CPAMD8: variants seen among roughly 807,000 people sequenced by gnomAD.
CPAMD8 encodes C3 and PZP like alpha-2-macroglobulin domain containing 8.
CPAMD8 carries 146 observed loss-of-function variants against 224.7 expected under a neutral mutation model. That is an observed-to-expected ratio of 0.65 (90% CI 0.57 to 0.75). The LOEUF is 0.75. CPAMD8 is among the 30% of genes least tolerant of loss of function. The pLI is 0.00. For synonymous variants in CPAMD8, 966 were observed against 1,044.6 expected (o/e 0.92, Z 1.45); for missense variants, 2,301 against 2,537.5 (o/e 0.91, Z 2.00).
At chr19:16,936,768 A>G (rs183738076) in intron 23 of CPAMD8, among the ~76,000 whole-genome samples, 18 of 152,302 alleles carry the variant, frequency 1.2e-4, no homozygotes, top group Admixed American at 8.5e-4. Context: ...TTCATTATAT[A>G]TTCTAAAAAC....
intron 35 of CPAMD8, among the ~76,000 whole-genome samples, chr19:16,901,630 G>T (rs1450567305): frequency 6.6e-6 from 1 of 152,200 alleles, no homozygotes; most frequent in East Asian, 1.9e-4. Context: ...TGGTTGCACA[G>T]AGCAGCCACA....
rs116490100 is a variant in CPAMD8 at position 16,994,170 on chromosome 19, A to G, written c.1096-584T>C. Among the ~76,000 whole-genome samples, 1,138 of 152,308 alleles carry G rather than the reference A, an allele frequency of 7.5e-3. 6 individuals are homozygous for G. The highest frequency in any genetic ancestry group is 0.024 in the Middle Eastern group (7 of 294). ...ACACCATATACAAAAATAAACTCAA[A>G]TGGATCACAGACCTAAATGTAACAG... On this transcript the variant is annotated intron_variant, in intron 11 of 41. Transcript: ENST00000443236.
At chr19:16,990,018 G>A (rs1017634462) in intron 12 of CPAMD8, among the ~76,000 whole-genome samples, 2 of 152,312 alleles carry the variant, frequency 1.3e-5, no homozygotes, top group South Asian at 2.1e-4. Context: ...TCGGGAGGCC[G>A]AGGCAGGTGG....
intron 9 of CPAMD8, among the ~76,000 whole-genome samples, chr19:17,000,938 T>C (rs2056292951): frequency 6.6e-6 from 1 of 152,174 alleles, no homozygotes; most frequent in South Asian, 2.1e-4. Flanking sequence ...GGACTCAAAC[T>C]ACCCTCTCAG....
At chr19:16,903,170 G>C (rs1372034332) in intron 34 of CPAMD8, among the ~76,000 whole-genome samples, 5 of 152,012 alleles carry the variant, frequency 3.3e-5, no homozygotes. Flanking sequence ...TCAGAAAACG[G>C]AGGCTAGCGA....
At position 16,950,793 on chromosome 19, in the gene CPAMD8, GAAAAAAAAAA is replaced by G. The variant is rs757775739; in HGVS notation, c.2508+1166_2508+1175del. On this transcript the variant is annotated intron_variant, in intron 20 of 41. Coordinates refer to ENST00000443236, the MANE Select transcript of CPAMD8 (RefSeq NM_015692.5). ...GGGTGATAGAGTAAGACCCTGTCTC[GAAAAAAAAAA>G]AAAAAAAAAAAAGAGAAAGAGAGAG... is the stretch of plus-strand genomic sequence containing the variant. 8.7e-5 allele frequency among the ~76,000 whole-genome samples: 4 copies of G among 45,884 alleles called. No homozygotes were observed. The East Asian group carries it at 2.3e-3, about 27-fold the overall frequency. The allele number at this position is 45,884 out of a possible 152,430, so 30.1% of individuals were successfully genotyped here.
chr19:17,005,711 C>T lies in CPAMD8; in HGVS notation c.560-1325G>A, dbSNP rs138339929. Among the ~76,000 whole-genome samples the T allele has an allele frequency of 2.3e-3, 352 of 152,288 alleles. 4 individuals carry two copies. The East Asian group carries it at 0.028, about 12-fold the overall frequency. ...AGAGTGGTTCCCCTGGGTCTCACGA[C>T]AGAACCGAAAACCCATAGCGGCGCC... On this transcript the variant is annotated intron_variant, in intron 7 of 41. Coordinates refer to ENST00000443236, the MANE Select transcript of CPAMD8 (RefSeq NM_015692.5).
intron 20 of CPAMD8, among the ~76,000 whole-genome samples, chr19:16,950,669 T>A (rs540253327): frequency 1.3e-5 from 2 of 151,926 alleles, no homozygotes; most frequent in South Asian, 2.1e-4. Flanking sequence ...GGTGCACACC[T>A]GTAGTCCCAT....
rs1334262266 is a variant in CPAMD8 at position 16,897,700 on chromosome 19, G to A, written c.5056C>T (p.Arg1686Trp). ...GGCTCCGCGCACTCACCCGGGCCCC[G>A]GGCAGGGGCGCGCTCCACTTCGTTG... is the stretch of plus-strand genomic sequence containing the variant. Reference protein sequence around the residue: ...ACNEVERAPARGPGWFPGESG... With the variant: ...ACNEVERAPAWGPGWFPGESG... The change falls in exon 39 of 42, where the codon CGG becomes TGG. Residue 1686 changes from arginine to tryptophan, a missense_variant. Arg to Trp is a moderately radical substitution (Grantham distance 101, BLOSUM62 -3). Coordinates refer to ENST00000443236, the MANE Select transcript of CPAMD8 (RefSeq NM_015692.5). The A allele has an allele frequency of 1.6e-5, 25 of 1,535,088 alleles. No individual in the cohort carries two copies. The highest frequency in any genetic ancestry group is 2.1e-5 in the Non-Finnish European group (24 of 1,138,090).
chr19:16,980,594 T>G lies in CPAMD8; in HGVS notation c.1488A>C (p.Leu496=). 2.5e-6 allele frequency: 4 copies of G among 1,613,382 alleles called. No individual in the cohort carries two copies. The highest frequency in any genetic ancestry group is 3.4e-6 in the Non-Finnish European group (4 of 1,179,704). The change falls in exon 14 of 42, where the codon CTA becomes CTC. Residue 496 remains leucine, a synonymous_variant. Transcript: ENST00000443236. ...TGGTGTGGGCAGGCTGCTGGCCCGA[T>G]AGCACAATATTGCCCCGTGCAGCCA... is the stretch of plus-strand genomic sequence containing the variant. ...YEVAARGNIV[L]SGQQPAHTTQ... is the part of the protein sequence containing the mutation.
chr19:16,977,298 C>T, intron 15 of CPAMD8, 70 bp downstream of exon 15: 1 of 1,006,278 alleles, frequency 9.9e-7, no homozygotes, highest in Non-Finnish European at 1.6e-6. Context: ...GCACAGACCC[C>T]CTGGCCAGCA....
chr19:17,004,255 T>A lies in CPAMD8; in HGVS notation c.673+18A>T. On this transcript the variant is annotated intron_variant, in intron 8 of 41. Transcript: ENST00000443236. ...TCCCAGATCTGAAATCCCAAGACCCTGAGATTCTCCAACTTACCATACTTC... is the reference window on the plus strand; with the variant it reads ...TCCCAGATCTGAAATCCCAAGACCCAGAGATTCTCCAACTTACCATACTTC... 1 of 1,519,088 alleles carries A rather than the reference T, an allele frequency of 6.6e-7. No homozygotes were observed. The highest frequency in any genetic ancestry group is 9.1e-7 in the Non-Finnish European group (1 of 1,094,586). The allele number at this position is 1,519,088 out of a possible 1,614,324, so 94.1% of individuals were successfully genotyped here. A position where few individuals can be genotyped will look rare whatever the true frequency, so the allele number is the denominator to read the frequency against.
chr19:16,961,446 G>A (rs1207421619), intron 18 of CPAMD8, among the ~76,000 whole-genome samples: 2 of 152,376 alleles, frequency 1.3e-5, no homozygotes, highest in African/African-American at 4.8e-5. Context: ...CTGCGACGTG[G>A]CAGCCTGGTT....
intron 9 of CPAMD8, among the ~76,000 whole-genome samples, chr19:17,000,908 G>GT (rs2056291946): frequency 6.6e-6 from 1 of 152,196 alleles, no homozygotes; most frequent in Non-Finnish European, 1.5e-5. Context: ...CTCTGAGCCT[G>GT]TTTCCTCACC....
At chr19:17,020,277 T>C (rs2056921210) in intron 3 of CPAMD8, 54 bp downstream of exon 3, 4 of 1,418,016 alleles carry the variant, frequency 2.8e-6, no homozygotes, top group Non-Finnish European at 3.0e-6. Context: ...CCTGGCCCAA[T>C]TCAATTCTTT....
intron 6 of CPAMD8, 147 bp downstream of exon 6, chr19:17,009,156 C>A: frequency 1.5e-6 from 2 of 1,345,366 alleles, no homozygotes; most frequent in Non-Finnish European, 2.1e-6. Flanking sequence ...GACCCAGGGA[C>A]CAGGATAGAA....
chr19:16,914,602 TG>T, intron 28 of CPAMD8, 54 bp downstream of exon 28: 1 of 1,613,020 alleles, frequency 6.2e-7, no homozygotes, highest in South Asian at 1.1e-5. Flanking sequence ...AGGTCAGGGC[TG>T]GGGCTCTGGG....
rs144390403 is a variant in CPAMD8 at position 16,997,713 on chromosome 19, G to A, written c.868-375C>T. On this transcript the variant is annotated intron_variant, in intron 10 of 41. Coordinates refer to ENST00000443236, the MANE Select transcript of CPAMD8 (RefSeq NM_015692.5). ...TAAAAATGTAAAAAAATAGCTGGGC[G>A]TGGTGACAGGCACCTGTAATCCCAG... is the stretch of plus-strand genomic sequence containing the variant. Among the ~76,000 whole-genome samples, 36 of 152,192 alleles carry A rather than the reference G, an allele frequency of 2.4e-4. No individual in the cohort carries two copies. In the East Asian group the frequency reaches 3.9e-3, roughly 16 times the overall value.
At chr19:16,962,792 G>A (rs2122532881) in intron 18 of CPAMD8, among the ~76,000 whole-genome samples, 1 of 148,318 alleles carries the variant, frequency 6.7e-6, no homozygotes, top group African/African-American at 2.4e-5. Context: ...CAGCCAGAGA[G>A]AAAGGTCGGG....
Sources: gnomAD v4.1 joint callset for allele counts (sites outside exome capture counted in the v4.1 genomes callset) on GRCh38, gnomAD v4.1.1 for gene constraint, MANE v1.5 for transcripts, NCBI Gene and HGNC (gene_info 2026-07-23, HGNC 2026-07-21) for gene names.